The following ARB2A variants were observed in gnomAD, a reference collection of about 807,000 sequenced individuals.
ARB2A encodes cotranscriptional regulator ARB2A.
chr5:93,652,741 C>T, the ARB2A span, among the ~76,000 whole-genome samples: 298 of 152,236 alleles, frequency 2.0e-3, 1 homozygote, highest in African/African-American at 6.8e-3. Flanking sequence ...TGCTGATGTA[C>T]ACTATGACAC....
the ARB2A span, chr5:94,050,854 T>C: frequency 2.1e-5 from 31 of 1,478,088 alleles, 1 homozygote; most frequent in East Asian, 2.3e-5. Flanking sequence ...ACAAACAATA[T>C]TGCTATACTT....
chr5:93,706,014 C>T, the ARB2A span, among the ~76,000 whole-genome samples: 439 of 152,166 alleles, frequency 2.9e-3, 2 homozygotes, highest in South Asian at 9.3e-3. Flanking sequence ...CAGAAAATTA[C>T]TATATGACCC....
At chr5:94,040,900 G>A in the ARB2A span, among the ~76,000 whole-genome samples, 10 of 152,102 alleles carry the variant, frequency 6.6e-5, no homozygotes, top group African/African-American at 1.4e-4. Flanking sequence ...TCTATGTTTC[G>A]TCACACGTAT....
At chr5:94,005,540 G>A in the ARB2A span, among the ~76,000 whole-genome samples, 2 of 152,116 alleles carry the variant, frequency 1.3e-5, no homozygotes, top group Non-Finnish European at 2.9e-5. Context: ...GACTGCAAAA[G>A]CACTACAAGT....
chr5:93,794,413 T>C, the ARB2A span, among the ~76,000 whole-genome samples: 1 of 152,160 alleles, frequency 6.6e-6, no homozygotes, highest in Non-Finnish European at 1.5e-5. Flanking sequence ...TTCTGAATTC[T>C]TTTTCTGGTA....
the ARB2A span, among the ~76,000 whole-genome samples, chr5:93,704,999 C>A: frequency 6.6e-6 from 1 of 152,122 alleles, no homozygotes; most frequent in Non-Finnish European, 1.5e-5. Flanking sequence ...TATCAAGATG[C>A]CTGCTTTCCT....
the ARB2A span, among the ~76,000 whole-genome samples, chr5:93,661,486 T>C: frequency 1.1e-4 from 16 of 152,178 alleles, no homozygotes; most frequent in African/African-American, 3.9e-4. Flanking sequence ...ACACCTCCTA[T>C]GCACAGCTGT....
chr5:94,103,830 T>A, the ARB2A span, among the ~76,000 whole-genome samples: 1 of 150,856 alleles, frequency 6.6e-6, no homozygotes, highest in Non-Finnish European at 1.5e-5. Context: ...TTATACCACA[T>A]TCTTAACCAC....
the ARB2A span, among the ~76,000 whole-genome samples, chr5:93,946,199 C>G: frequency 3.3e-5 from 5 of 151,812 alleles, no homozygotes; most frequent in South Asian, 1.0e-3. Context: ...CTGTATCTAA[C>G]AATACAGGAA....
At chr5:94,050,395 C>T in the ARB2A span, among the ~76,000 whole-genome samples, 2 of 151,788 alleles carry the variant, frequency 1.3e-5, no homozygotes, top group African/African-American at 4.8e-5. Flanking sequence ...GCTGGGACTA[C>T]ACGCGCATGC....
chr5:93,835,384 T>C, the ARB2A span, among the ~76,000 whole-genome samples: 3 of 152,244 alleles, frequency 2.0e-5, no homozygotes, highest in Non-Finnish European at 4.4e-5. Context: ...ACATATTTTC[T>C]GAACCATTGC....
At chr5:93,765,365 A>G in the ARB2A span, among the ~76,000 whole-genome samples, 2 of 152,244 alleles carry the variant, frequency 1.3e-5, no homozygotes, top group African/African-American at 2.4e-5. Flanking sequence ...TAGAAAATCA[A>G]TGTGCAAAAA....
At chr5:94,033,951 G>C in the ARB2A span, among the ~76,000 whole-genome samples, 1 of 152,194 alleles carries the variant, frequency 6.6e-6, no homozygotes, top group Non-Finnish European at 1.5e-5. Context: ...TAGTTCTTGT[G>C]GGAATGGGCT....
chr5:93,922,876 T>C, the ARB2A span, among the ~76,000 whole-genome samples: 11 of 152,164 alleles, frequency 7.2e-5, no homozygotes, highest in Non-Finnish European at 1.0e-4. Context: ...TTCAATGATA[T>C]GGGCACTGAA....
At chr5:93,833,083 G>A in the ARB2A span, among the ~76,000 whole-genome samples, 1 of 152,190 alleles carries the variant, frequency 6.6e-6, no homozygotes, top group African/African-American at 2.4e-5. Context: ...AGCCATGGTA[G>A]CTTAATTTGA....
chr5:93,897,413 T>C, the ARB2A span, among the ~76,000 whole-genome samples: 2 of 152,016 alleles, frequency 1.3e-5, no homozygotes, highest in African/African-American at 4.8e-5. Context: ...TTTTGGAAAG[T>C]TTGTAGGAGA....
the ARB2A span, among the ~76,000 whole-genome samples, chr5:93,961,247 T>C: frequency 6.6e-6 from 1 of 152,128 alleles, no homozygotes; most frequent in South Asian, 2.1e-4. Context: ...TTCACCTTCA[T>C]GAAAAAACCT....
the ARB2A span, among the ~76,000 whole-genome samples, chr5:93,720,687 G>C: frequency 6.6e-6 from 1 of 152,138 alleles, no homozygotes; most frequent in Non-Finnish European, 1.5e-5. Flanking sequence ...GTAGTGAGTT[G>C]GTTAAAAGTC....
chr5:94,088,498 T>C, the ARB2A span, among the ~76,000 whole-genome samples: 4 of 152,036 alleles, frequency 2.6e-5, no homozygotes, highest in African/African-American at 4.8e-5. Flanking sequence ...CCTGGCAACA[T>C]AGCAAGACGG....
Sources: allele counts gnomAD v4.1 joint callset (sites outside exome capture counted in the v4.1 genomes callset), GRCh38; gene constraint gnomAD v4.1.1; transcripts MANE v1.5; gene names NCBI Gene and HGNC (gene_info 2026-07-23, HGNC 2026-07-21).